Variants in SERINC2 observed in about 807,000 individuals in gnomAD.
SERINC2 encodes the protein tumor differentially expressed protein 2.
In SERINC2, 56 loss-of-function variants were observed where a neutral mutation model predicts 54.2. The observed-to-expected ratio is 1.03, with a 90% CI of 0.83 to 1.29. The LOEUF is 1.29. Ranked by LOEUF, SERINC2 falls within the 50% of genes most tolerant of loss-of-function variation. The pLI is 0.00. For missense variants in SERINC2, 614 were observed against 607.4 expected (o/e 1.01, Z -0.12); for synonymous variants, 272 against 253.1 (o/e 1.07, Z -0.71).
chr1:31,423,949 AGAG>A (rs1214135610), intron 2 of SERINC2, 95 bp downstream of exon 2: 1 of 1,221,824 alleles, frequency 8.2e-7, no homozygotes, highest in African/African-American at 1.5e-5. Context: ...CTTATCCAGA[AGAG>A]GAGGCAGGGT....
intron 1 of SERINC2, chr1:31,416,032 G>C (rs1640773207): frequency 2.3e-6 from 1 of 433,150 alleles, no homozygotes; most frequent in South Asian, 9.6e-5. Context: ...ACATCCTAGG[G>C]AGTGTGAAAG....
At chr1:31,418,183 T>A (rs1553132427) in intron 1 of SERINC2, among the ~76,000 whole-genome samples, 1 of 152,140 alleles carries the variant, frequency 6.6e-6, no homozygotes, top group Admixed American at 6.6e-5. Flanking sequence ...GAACAAATAA[T>A]ATTCTATTGT....
At position 31,428,992 on chromosome 1, in the gene SERINC2, C is replaced by T. The variant is rs781961364; in HGVS notation, c.795C>T (p.Asn265=). The stretch of plus-strand genomic sequence containing the variant: ...CCTCTTGCCAGGACGCCCAGCCCAA[C>T]TCGGGTCTGCTGCAGGCCTCGGTCA... ...VLPKVQDAQP[N]SGLLQASVIT... is the part of the protein sequence containing the mutation. The change falls in exon 7 of 10, where the codon AAC becomes AAT. Residue 265 remains asparagine (N), a synonymous_variant. Coordinates refer to ENST00000373709, the MANE Select transcript of SERINC2 (RefSeq NM_178865.5). 6.2e-6 allele frequency: 10 copies of T among 1,613,814 alleles called. No individual in the cohort carries two copies. Among genetic ancestry groups the T allele is most frequent in the Admixed American group, 1.7e-5 (1 of 59,994 alleles).
intron 8 of SERINC2, among the ~76,000 whole-genome samples, chr1:31,432,062 TGGACAG>T (rs1641272185): frequency 1.5e-5 from 2 of 131,958 alleles, no homozygotes; most frequent in African/African-American, 3.1e-5. Context: ...GTGGACAGGG[TGGACAG>T]GGTGGACAGG....
intron 8 of SERINC2, among the ~76,000 whole-genome samples, chr1:31,431,733 CA>C (rs1297933985): frequency 3.3e-5 from 4 of 119,554 alleles, no homozygotes; most frequent in African/African-American, 1.1e-4. Context: ...ATGAGATATC[CA>C]TATGGTATTT....
chr1:31,416,847 G>A (rs1553132281), intron 1 of SERINC2, among the ~76,000 whole-genome samples: 2 of 152,146 alleles, frequency 1.3e-5, no homozygotes, highest in Non-Finnish European at 2.9e-5. Context: ...AGCCTCCCGA[G>A]TAGCTGGGAT....
intron 7 of SERINC2, 72 bp from the exon 8 acceptor site, chr1:31,429,325 C>A: frequency 6.5e-7 from 1 of 1,531,662 alleles, no homozygotes; most frequent in African/African-American, 1.4e-5. Flanking sequence ...GGCTCTCTAG[C>A]CATCCTCAGG....
chr1:31,431,182 T>C (rs1446049175), intron 8 of SERINC2, among the ~76,000 whole-genome samples: 1 of 145,516 alleles, frequency 6.9e-6, no homozygotes, highest in African/African-American at 2.5e-5. Flanking sequence ...TGGAGTGCAA[T>C]GACACAATCA....
At position 31,425,544 on chromosome 1, in the gene SERINC2, C is replaced by T. The variant is rs570471182; in HGVS notation, c.472+135C>T. On this transcript the variant is annotated intron_variant, in intron 4 of 9. Transcript: ENST00000373709. Reference sequence around the variant, plus strand: ...GCTGGCTAGGTCCTCGCTCCCCACCCGTGAGACAGCACTGTGGTGCTTGGC... The same window carrying T: ...GCTGGCTAGGTCCTCGCTCCCCACCTGTGAGACAGCACTGTGGTGCTTGGC... The T allele has an allele frequency of 2.4e-4, 209 of 884,232 alleles. 1 individual carries two copies. The highest frequency in any genetic ancestry group is 1.1e-4 in the Non-Finnish European group (60 of 538,098). The allele number at this position is 884,232 out of a possible 1,614,324, so 54.8% of individuals were successfully genotyped here. A position where few individuals can be genotyped will look rare whatever the true frequency, so the allele number is the denominator to read the frequency against.
intron 8 of SERINC2, among the ~76,000 whole-genome samples, chr1:31,431,671 G>A (rs1343545498): frequency 6.6e-6 from 1 of 151,928 alleles, no homozygotes; most frequent in Non-Finnish European, 1.5e-5. Flanking sequence ...AGGCAGCAAA[G>A]AAGCATATGC....
intron 8 of SERINC2, among the ~76,000 whole-genome samples, chr1:31,431,933 GGGTGGTTAGGGTGGTT>G (rs2148528916): frequency 8.4e-6 from 1 of 118,848 alleles, no homozygotes; most frequent in African/African-American, 3.1e-5. Context: ...AGGGTGGATA[GGGTGGTTAGGGTGGTT>G]AGGGTGGTTA....
At chr1:31,413,164 CGGGGCG>C (rs1315430606), upstream of SERINC2, 2 of 856,928 alleles carry the variant, frequency 2.3e-6, no homozygotes, top group African/African-American at 4.4e-5. This position sits in a 1 kb window ranked among gnomAD's most constrained non-coding sequence, Gnocchi z 5.0. Flanking sequence ...GGGGCGGGGC[CGGGGCG>C]GGGCCGGGGC....
chr1:31,426,920 A>T, intron 6 of SERINC2, 97 bp downstream of exon 6: 4 of 1,155,414 alleles, frequency 3.5e-6, no homozygotes, highest in Non-Finnish European at 5.0e-6. Flanking sequence ...CTGTCATCAC[A>T]GAGGCACGGC....
At position 31,434,113 on chromosome 1, in the gene SERINC2, A is replaced by G. The variant is rs1641400148; in HGVS notation, c.1282A>G (p.Lys428Glu). The G allele has an allele frequency of 6.2e-7, 1 of 1,613,854 alleles. No individual in the cohort carries two copies. The highest frequency in any genetic ancestry group is 1.7e-5 in the Admixed American group (1 of 59,980). The stretch of plus-strand genomic sequence containing the variant: ...CAGCACGTGGACCGCCGTGTGGGTG[A>G]AGATCTGTGCCAGCTGGGCAGGGCT... The part of the protein sequence containing the change: ...MISTWTAVWV[K>E]ICASWAGLLL... The change falls in exon 10 of 10, where the codon AAG becomes GAG. Residue 428 changes from lysine (K) to glutamate (E), a missense_variant. By Grantham distance (56) the Lys-to-Glu change is moderately conservative. Coordinates refer to ENST00000373709, the MANE Select transcript of SERINC2 (RefSeq NM_178865.5).
chr1:31,432,080 TGGTTAGGGTGGACAGGGTGGAC>T (rs1557501032), intron 8 of SERINC2, among the ~76,000 whole-genome samples: 15 of 114,608 alleles, frequency 1.3e-4, no homozygotes, highest in East Asian at 2.9e-4. Context: ...GTGGACAGGG[TGGTTAGGGTGGACAGGGTGGAC>T]AGGGTGGATA....
In SERINC2 at chr1:31,424,725, C is replaced by A; in HGVS notation, c.244C>A (p.Leu82Met). The A allele has an allele frequency of 6.2e-7, 1 of 1,609,408 alleles. No homozygotes were observed. The highest frequency in any genetic ancestry group is 8.5e-7 in the Non-Finnish European group (1 of 1,178,152). ...GGAGGGGGCCGGGATCCCCACCGTCCTGCAGGGCCACATCGACTGTGGCTC... is the reference window on the plus strand; with the variant it reads ...GGAGGGGGCCGGGATCCCCACCGTCATGCAGGGCCACATCGACTGTGGCTC... ...CEEGAGIPTV[L>M]QGHIDCGSLL... Residue 82 changes from leucine to methionine, a missense_variant, in exon 3 of 10, where the codon CTG becomes ATG. Coordinates refer to ENST00000373709, the MANE Select transcript of SERINC2 (RefSeq NM_178865.5).
intron 4 of SERINC2, 104 bp downstream of exon 4, chr1:31,425,513 C>T: frequency 1.0e-6 from 1 of 966,896 alleles, no homozygotes; most frequent in Non-Finnish European, 1.7e-6. Flanking sequence ...ACACAGACCC[C>T]TGGCTGCTGG....
rs782563046 is a variant in SERINC2 at position 31,432,995 on chromosome 1, A to T, written c.1042A>T (p.Asn348Tyr). ...GCGCTCCTCAGACCACCGGCAGGTG[A>T]ACAGCCTGATGCAGACCGAGGAGTG... Reference protein sequence around the residue: ...SLRSSDHRQVNSLMQTEECPP... With the variant: ...SLRSSDHRQVYSLMQTEECPP... The change falls in exon 9 of 10, where the codon AAC becomes TAC. Residue 348 changes from asparagine (N) to tyrosine (Y), a missense_variant. Physicochemically the swap from Asn to Tyr is moderately radical, Grantham distance 143. Coordinates refer to ENST00000373709, the MANE Select transcript of SERINC2 (RefSeq NM_178865.5). 1 of 1,612,244 alleles carries T rather than the reference A, an allele frequency of 6.2e-7. No homozygotes were observed. The highest frequency in any genetic ancestry group is 1.7e-5 in the Admixed American group (1 of 59,920).
In SERINC2 at chr1:31,424,855, G is replaced by A. The variant is rs782665542; in HGVS notation, c.374G>A (p.Arg125Gln). The change falls in exon 3 of 10, where the codon CGG becomes CAG. Residue 125 changes from arginine to glutamine, a missense_variant. By Grantham distance (43) the Arg-to-Gln change is conservative. Transcript: ENST00000373709. The stretch of plus-strand genomic sequence containing the variant: ...TGCGTGAGCAGCAGCCGGGACCCCC[G>A]GGCTGCCATCCAGAATGGGTGAGAG... ...MLCVSSSRDP[R>Q]AAIQNGFWFF... 5.6e-6 allele frequency: 9 copies of A among 1,611,254 alleles called. No individual in the cohort carries two copies. The highest frequency in any genetic ancestry group is 3.3e-5 in the South Asian group (3 of 90,824).
Sources: allele counts gnomAD v4.1 joint callset (sites outside exome capture counted in the v4.1 genomes callset), GRCh38; gene constraint gnomAD v4.1.1; non-coding constraint Gnocchi (gnomAD v3.1); transcripts MANE v1.5; gene names NCBI Gene and HGNC (gene_info 2026-07-23, HGNC 2026-07-21).